The following PARD3B variants were observed in gnomAD, a reference collection of about 807,000 sequenced individuals.
PARD3B encodes the protein partitioning defective 3 homolog B.
PARD3B carries 103 observed loss-of-function variants against 130.2 expected under a neutral mutation model. That is an observed-to-expected ratio of 0.79 (90% CI 0.67 to 0.93). The LOEUF (loss-of-function observed/expected upper bound fraction) is 0.93. Ranked by LOEUF, PARD3B falls within the 40% of genes least tolerant of loss-of-function variation. The pLI, the probability that PARD3B is intolerant of heterozygous loss-of-function variation, is 0.00. For synonymous variants in PARD3B, 583 were observed against 553.2 expected (o/e 1.05, Z -0.76); for missense variants, 1,609 against 1,499.2 (o/e 1.07, Z -1.21).
chr2:205,229,332 T>G lies in PARD3B; in HGVS notation c.2141-16446T>G, dbSNP rs953399980. Among the ~76,000 whole-genome samples, 3 of 152,226 alleles carry G rather than the reference T, an allele frequency of 2.0e-5. No individual in the cohort carries two copies. Among genetic ancestry groups the G allele is most frequent in the African/African-American group, 7.2e-5 (3 of 41,478 alleles). ...GGAATTGAGTGTTGTGACCTTAATC[T>G]TCGGCCCCTGCAACCATAACTGCAT... On this transcript the variant is annotated intron_variant, in intron 15 of 22. Coordinates refer to ENST00000406610, the MANE Select transcript of PARD3B (RefSeq NM_001302769.2). This position sits in a 1 kb window ranked among gnomAD's most constrained non-coding sequence, Gnocchi z 5.2.
chr2:204,661,112 T>C (rs1174071610), intron 1 of PARD3B, among the ~76,000 whole-genome samples: 4 of 152,180 alleles, frequency 2.6e-5, no homozygotes, highest in Non-Finnish European at 5.9e-5. Flanking sequence ...AACTGATAGA[T>C]TGAGGGACAT....
At chr2:205,201,126 T>C (rs1403930017) in intron 15 of PARD3B, among the ~76,000 whole-genome samples, 1 of 152,212 alleles carries the variant, frequency 6.6e-6, no homozygotes. Context: ...CTAGAAACCA[T>C]GTTTAGTAAA....
chr2:205,058,221 A>G (rs754146548), intron 4 of PARD3B, among the ~76,000 whole-genome samples: 4 of 151,904 alleles, frequency 2.6e-5, no homozygotes, highest in Non-Finnish European at 4.4e-5. Context: ...TACTGAGCAT[A>G]ATATTCTTAA....
At position 205,575,151 on chromosome 2, in the gene PARD3B, G is replaced by T. The variant is rs190442648; in HGVS notation, c.3260+21748G>T. On this transcript the variant is annotated intron_variant, in intron 22 of 22. Coordinates refer to ENST00000406610, the MANE Select transcript of PARD3B (RefSeq NM_001302769.2). This position sits in a 1 kb window ranked among gnomAD's most constrained non-coding sequence, Gnocchi z 4.6. ...ATATAAAAATATATTTTCATGTAAG[G>T]TATATATATATTATACACACACATA... 6.7e-6 allele frequency among the ~76,000 whole-genome samples: 1 copy of T among 149,526 alleles called. No homozygotes were observed. Among genetic ancestry groups the T allele is most frequent in the East Asian group, 2.0e-4 (1 of 5,116 alleles).
At chr2:204,560,216 G>T (rs941585401) in intron 1 of PARD3B, among the ~76,000 whole-genome samples, 1 of 152,156 alleles carries the variant, frequency 6.6e-6, no homozygotes, top group African/African-American at 2.4e-5. Context: ...AATCAGTGAG[G>T]TCTCAGTCAG....
At chr2:205,426,231 T>C (rs1385863404) in intron 19 of PARD3B, among the ~76,000 whole-genome samples, 1 of 152,124 alleles carries the variant, frequency 6.6e-6, no homozygotes, top group East Asian at 1.9e-4. Flanking sequence ...AACATTGTAT[T>C]GGCTGTTCAG....
At chr2:204,868,727 T>G (rs1189070857) in intron 2 of PARD3B, among the ~76,000 whole-genome samples, 2 of 152,192 alleles carry the variant, frequency 1.3e-5, no homozygotes, top group Non-Finnish European at 2.9e-5. Flanking sequence ...AGGTCACGAA[T>G]GTAGTATATT....
chr2:205,339,408 G>A (rs2043434536), intron 18 of PARD3B, among the ~76,000 whole-genome samples: 1 of 152,160 alleles, frequency 6.6e-6, no homozygotes, highest in Admixed American at 6.5e-5. Context: ...GATTGAGGTG[G>A]TTTGGCCTTC....
At chr2:204,897,526 G>A (rs555055655) in intron 2 of PARD3B, among the ~76,000 whole-genome samples, 22 of 151,684 alleles carry the variant, frequency 1.5e-4, no homozygotes, top group Admixed American at 3.3e-4. Flanking sequence ...GTAGAATTGC[G>A]TATGGTTATA....
At chr2:204,702,812 G>A (rs2037957071) in intron 2 of PARD3B, among the ~76,000 whole-genome samples, 2 of 152,112 alleles carry the variant, frequency 1.3e-5, no homozygotes, top group African/African-American at 4.8e-5. Context: ...ATGACCTCAG[G>A]TGATCTGCCT....
At chr2:205,401,331 T>C (rs1228522217) in intron 19 of PARD3B, among the ~76,000 whole-genome samples, 1 of 152,220 alleles carries the variant, frequency 6.6e-6, no homozygotes, top group Non-Finnish European at 1.5e-5. Context: ...GTTTTTACTA[T>C]ATCAGTGCCT....
rs183297018 is a variant in PARD3B, at chr2:205,402,888, T to C, written c.2741+1765T>C. ...CTAGAGGAAGAAGTTGAGGAGTTGA[T>C]TTTATGGTTGGGTGCTATAGAATTA... On this transcript the variant is annotated intron_variant, in intron 19 of 22. Coordinates refer to ENST00000406610, the MANE Select transcript of PARD3B (RefSeq NM_001302769.2). Among the ~76,000 whole-genome samples, 273 of 152,290 alleles carry C rather than the reference T, an allele frequency of 1.8e-3. 2 individuals carry two copies. Among genetic ancestry groups the C allele is most frequent in the Admixed American group, 6.8e-3 (104 of 15,290 alleles).
At chr2:204,727,876 T>C (rs563202238) in intron 2 of PARD3B, among the ~76,000 whole-genome samples, 1 of 152,258 alleles carries the variant, frequency 6.6e-6, no homozygotes, top group South Asian at 2.1e-4. Context: ...GTGCAGCCTC[T>C]GTAGACTGGC....
At position 205,091,602 on chromosome 2, in the gene PARD3B, T is replaced by C. The variant is rs1042192739; in HGVS notation, c.505-12824T>C. ...TATCATCATCTCAGTGCTACAAGTC[T>C]CTTACAATTCTGTCAAAGATATGGG... On this transcript the variant is annotated intron_variant, in intron 4 of 22. Transcript: ENST00000406610. This position sits in a 1 kb window ranked among gnomAD's most constrained non-coding sequence, Gnocchi z 4.2. Among the ~76,000 whole-genome samples, 3 of 152,188 alleles carry C rather than the reference T, an allele frequency of 2.0e-5. No individual in the cohort carries two copies. Among genetic ancestry groups the C allele is most frequent in the African/African-American group, 7.2e-5 (3 of 41,460 alleles).
At chr2:204,744,792 A>G (rs2335637) in intron 2 of PARD3B, among the ~76,000 whole-genome samples, 94,211 of 151,914 alleles carry the variant, frequency 0.62, 32,318 homozygotes, top group Non-Finnish European at 0.75. Context: ...TGTGGAATAG[A>G]ACCATGAGGA....
chr2:205,290,720 T>C (rs2105871727), intron 16 of PARD3B, among the ~76,000 whole-genome samples: 2 of 152,312 alleles, frequency 1.3e-5, no homozygotes, highest in Middle Eastern at 6.8e-3. Context: ...AAATGTTTGT[T>C]TCCCCCAAAA....
intron 1 of PARD3B, among the ~76,000 whole-genome samples, chr2:204,547,396 A>G (rs1361358374): frequency 6.6e-6 from 1 of 152,222 alleles, no homozygotes; most frequent in Non-Finnish European, 1.5e-5. Context: ...TGAACTCTTT[A>G]CTGATGGAAT....
At chr2:204,640,790 T>A (rs988457531) in intron 1 of PARD3B, among the ~76,000 whole-genome samples, 1 of 151,892 alleles carries the variant, frequency 6.6e-6, no homozygotes, top group Non-Finnish European at 1.5e-5. Context: ...AAATATTTAT[T>A]AAGTATCCAG....
intron 8 of PARD3B, among the ~76,000 whole-genome samples, chr2:205,123,674 TA>T (rs368941928): frequency 2.4e-4 from 2 of 8,238 alleles, no homozygotes; most frequent in South Asian, 2.7e-3. Flanking sequence ...AAAAAAAAAA[TA>T]AGTGGTGGGA....
Sources: allele counts gnomAD v4.1 joint callset (sites outside exome capture counted in the v4.1 genomes callset), GRCh38; gene constraint gnomAD v4.1.1; non-coding constraint Gnocchi (gnomAD v3.1); transcripts MANE v1.5; gene names NCBI Gene and HGNC (gene_info 2026-07-23, HGNC 2026-07-21).